Variants in ABCA13 observed in about 807,000 individuals in gnomAD.
ABCA13 encodes the protein ATP binding cassette subfamily A member 13.
ABCA13 carries 476 observed loss-of-function variants against 478.7 expected under a neutral mutation model. The ratio of observed to expected loss-of-function variants is 0.99; its 90% CI spans 0.92 to 1.07. The LOEUF (loss-of-function observed/expected upper bound fraction) is 1.07, where lower values mean the gene tolerates loss of function less well. ABCA13 is among the 50% of genes least tolerant of loss of function. The pLI is 0.00. For synonymous variants in ABCA13, 2,252 were observed against 2,158.9 expected, an observed-to-expected ratio of 1.04 and a Z score of -1.20; for missense variants, 6,060 against 5,910.6, an observed-to-expected ratio of 1.03 and a Z score of -0.83.
intron 55 of ABCA13, among the ~76,000 whole-genome samples, chr7:48,533,269 G>T (rs1313784075): frequency 6.6e-6 from 1 of 152,062 alleles, no homozygotes; most frequent in Non-Finnish European, 1.5e-5. Flanking sequence ...GATCATTCAG[G>T]AGTAGGTTAT....
chr7:48,234,317 G>C (rs554678853), intron 8 of ABCA13, 166 bp downstream of exon 8: 43 of 828,822 alleles, frequency 5.2e-5, no homozygotes, highest in Non-Finnish European at 2.0e-6. Context: ...ACTGTCTCCA[G>C]CTTTTCTAGA....
rs191776322 is a variant in ABCA13, at chr7:48,285,789, T to C, written c.8837-2171T>C. Among the ~76,000 whole-genome samples the C allele has an allele frequency of 9.2e-5, 14 of 152,356 alleles. No individual in the cohort carries two copies. The East Asian group carries it at 2.7e-3, about 29-fold the overall frequency. On this transcript the variant is annotated intron_variant, in intron 19 of 61. Coordinates refer to ENST00000435803, the MANE Select transcript of ABCA13 (RefSeq NM_152701.5). ...CAGAGGATATGTTTATGCTTAAAGATAAGTGCTGTGATATATAACAGCACA... is the reference window on the plus strand; with the variant it reads ...CAGAGGATATGTTTATGCTTAAAGACAAGTGCTGTGATATATAACAGCACA...
Position 48,553,694 on chromosome 7 carries a change from T to C in ABCA13, c.14354+25349T>C, listed in dbSNP as rs1168783470. Among the ~76,000 whole-genome samples, 5 of 152,230 alleles carry C rather than the reference T, an allele frequency of 3.3e-5. No individual in the cohort carries two copies. The East Asian group carries it at 9.6e-4, about 29-fold the overall frequency. On this transcript the variant is annotated intron_variant, in intron 55 of 61. Coordinates refer to ENST00000435803, the MANE Select transcript of ABCA13 (RefSeq NM_152701.5). ...CCTGTATATCTGTTTGAACTTGTTA[T>C]GTATTCTGGTTACTAATCCCTTTTC...
intron 42 of ABCA13, among the ~76,000 whole-genome samples, chr7:48,453,005 A>G (rs1825225589): frequency 6.6e-6 from 1 of 152,228 alleles, no homozygotes; most frequent in Admixed American, 6.5e-5. Flanking sequence ...ATGTGTGTAT[A>G]TATATAGATA....
chr7:48,471,611 C>T lies in ABCA13; in HGVS notation c.12975+12C>T, dbSNP rs765159922. On this transcript the variant is annotated intron_variant, in intron 45 of 61. Coordinates refer to ENST00000435803, the MANE Select transcript of ABCA13 (RefSeq NM_152701.5). ...CATGTGGCTGCCTGGTAGGTTTCTG[C>T]AGCATTTTTGATCTTTTTAAGTCTA... 5.0e-5 allele frequency: 77 copies of T among 1,554,316 alleles called. No homozygotes were observed. In the Admixed American group the frequency reaches 1.5e-3, roughly 30 times the overall value.
intron 7 of ABCA13, among the ~76,000 whole-genome samples, chr7:48,232,702 T>C (rs368818307): frequency 1.1e-3 from 169 of 152,334 alleles, no homozygotes; most frequent in African/African-American, 4.0e-3. Flanking sequence ...AAGTTGTCTT[T>C]CACTTTTTGA....
At chr7:48,486,548 A>T (rs533285322) in intron 47 of ABCA13, among the ~76,000 whole-genome samples, 1 of 152,094 alleles carries the variant, frequency 6.6e-6, no homozygotes, top group African/African-American at 2.4e-5. Flanking sequence ...TTGTCCCCCA[A>T]CTTGCTAGTA....
chr7:48,248,287 T>C lies in ABCA13; in HGVS notation c.1708T>C (p.Leu570=). ...VITWHKNMSV[L]IPEEYLDWQE... ...TACTTGGCACAAAAATATGTCAGTT[T>C]TAATACCTGAAGAATATTTGGACTG... The change falls in exon 14 of 62, where the codon TTA becomes CTA. Residue 570 remains leucine (L), a synonymous_variant. Transcript: ENST00000435803. The C allele has an allele frequency of 6.2e-7, 1 of 1,613,858 alleles. No homozygotes were observed. Among genetic ancestry groups the C allele is most frequent in the Non-Finnish European group, 8.5e-7 (1 of 1,179,792 alleles).
intron 10 of ABCA13, among the ~76,000 whole-genome samples, chr7:48,242,803 T>G (rs928994563): frequency 1.3e-5 from 2 of 152,216 alleles, no homozygotes; most frequent in Non-Finnish European, 2.9e-5. Flanking sequence ...TTGTATATCT[T>G]TTATCATTAG....
chr7:48,415,183 T>C (rs983779323), intron 41 of ABCA13, among the ~76,000 whole-genome samples: 1 of 152,162 alleles, frequency 6.6e-6, no homozygotes, highest in Non-Finnish European at 1.5e-5. Context: ...CCAAATATTA[T>C]ATTGGAAGCT....
Position 48,272,519 on chromosome 7 carries a change from T to C in ABCA13, c.2853T>C (p.Asn951=). ...AAATTTTGACTCACATACACCTAAA[T>C]GTCTTCCAGGACAAGGATTCAGCTT... ...VDKILTHIHL[N]VFQDKDSALL... Residue 951 remains asparagine (N), a synonymous_variant, in exon 17 of 62, where the codon AAT becomes AAC. Transcript: ENST00000435803. The C allele has an allele frequency of 6.2e-7, 1 of 1,613,802 alleles. No homozygotes were observed. Among genetic ancestry groups the C allele is most frequent in the Non-Finnish European group, 8.5e-7 (1 of 1,179,740 alleles).
intron 28 of ABCA13, among the ~76,000 whole-genome samples, chr7:48,336,189 T>C (rs1806240164): frequency 1.3e-5 from 2 of 152,154 alleles, no homozygotes; most frequent in African/African-American, 4.8e-5. Flanking sequence ...GTCACTGAAG[T>C]TCTCTGTACC....
intron 55 of ABCA13, among the ~76,000 whole-genome samples, chr7:48,555,396 G>A (rs1219881469): frequency 6.6e-6 from 1 of 151,900 alleles, no homozygotes; most frequent in African/African-American, 2.4e-5. Flanking sequence ...AATAGTTTGA[G>A]TAGGATTGGT....
intron 27 of ABCA13, among the ~76,000 whole-genome samples, chr7:48,333,370 G>T (rs1805706387): frequency 1.3e-5 from 2 of 152,160 alleles, no homozygotes; most frequent in African/African-American, 4.8e-5. Context: ...GTAATTGCTT[G>T]TTGAAGCATT....
chr7:48,608,487 A>G (rs143058102), intron 58 of ABCA13, among the ~76,000 whole-genome samples: 1 of 152,326 alleles, frequency 6.6e-6, no homozygotes, highest in Non-Finnish European at 1.5e-5. Context: ...CCGCAGCTAT[A>G]TGCATGCTAC....
chr7:48,492,296 C>A (rs570971202), intron 48 of ABCA13, among the ~76,000 whole-genome samples: 2 of 152,146 alleles, frequency 1.3e-5, no homozygotes, highest in Non-Finnish European at 2.9e-5. Flanking sequence ...CCTGTCTTCT[C>A]CTGCATCACC....
At chr7:48,462,710 TGCTGGCCAG>T (rs1341112018) in intron 43 of ABCA13, among the ~76,000 whole-genome samples, 2 of 152,138 alleles carry the variant, frequency 1.3e-5, no homozygotes, top group African/African-American at 4.8e-5. Flanking sequence ...GGTTTCACCA[TGCTGGCCAG>T]GCTGGTCGCG....
intron 27 of ABCA13, among the ~76,000 whole-genome samples, chr7:48,330,365 C>T (rs964581066): frequency 1.3e-5 from 2 of 151,094 alleles, no homozygotes; most frequent in Middle Eastern, 3.5e-3. Context: ...ATCCATCCAC[C>T]CATCCATCCA....
At position 48,350,640 on chromosome 7, in the gene ABCA13, CAGG is replaced by C; in HGVS notation, c.10206_10208del (p.Gly3403del). 6.2e-7 allele frequency: 1 copy of C among 1,611,176 alleles called. No homozygotes were observed. The highest frequency in any genetic ancestry group is 8.5e-7 in the Non-Finnish European group (1 of 1,178,292). ...TGTGTCCTAATCTGTTCACTTTCCT[CAGG>C]AGGGCTGCTGGATGAGATGTTTAAC... On this transcript the variant is annotated splice_acceptor_variant and coding_sequence_variant, in exon 30 of 62. Coordinates refer to ENST00000435803, the MANE Select transcript of ABCA13 (RefSeq NM_152701.5). LOFTEE classifies it high-confidence loss of function.
Sources: gnomAD v4.1 joint callset for allele counts (sites outside exome capture counted in the v4.1 genomes callset) on GRCh38, gnomAD v4.1.1 for gene constraint, MANE v1.5 for transcripts, NCBI Gene and HGNC (gene_info 2026-07-23, HGNC 2026-07-21) for gene names.